The following COL27A1 variants were observed in gnomAD, a reference collection of about 807,000 sequenced individuals.
The protein encoded by COL27A1 is collagen alpha-1(XXVII) chain.
Under a neutral mutation model 251.3 loss-of-function variants are expected in COL27A1, and 106 were observed. The observed-to-expected ratio is 0.42, with a 90% confidence interval of 0.36 to 0.50. The LOEUF (loss-of-function observed/expected upper bound fraction) is 0.50, where lower values mean the gene tolerates loss of function less well. COL27A1 is among the 20% of genes least tolerant of loss of function. COL27A1 has a pLI of 0.00. For missense variants in COL27A1, 2,325 were observed against 2,522.8 expected, an observed-to-expected ratio of 0.92 and a Z score of 1.68; for synonymous variants, 1,000 against 986.3, an observed-to-expected ratio of 1.01 and a Z score of -0.26.
chr9:114,240,471 G>A lies in COL27A1; in HGVS notation c.2819G>A (p.Gly940Glu), dbSNP rs1204862081. 14 of 1,611,670 alleles carry A rather than the reference G, an allele frequency of 8.7e-6. No individual in the cohort carries two copies. Among genetic ancestry groups the A allele is most frequent in the Admixed American group, 5.0e-5 (3 of 59,970 alleles). Residue 940 changes from glycine to glutamate, a missense_variant, in exon 21 of 61, where the codon GGG becomes GAG. Gly to Glu is a moderately conservative substitution (Grantham distance 98). Coordinates refer to ENST00000356083, the MANE Select transcript of COL27A1 (RefSeq NM_032888.4). ...PGARGLPGPR[G>E]QLGPEGDEGP... ...GCCCGAGGCCTGCCGGGACCCCGTG[G>A]GCAGCTGGGGCCCGAGGTGAGACTG...
chr9:114,290,091 C>T lies in COL27A1; in HGVS notation c.4240C>T (p.Pro1414Ser). The change falls in exon 46 of 61, where the codon CCA becomes TCA. Residue 1414 changes from proline (P) to serine (S), a missense_variant. Coordinates refer to ENST00000356083, the MANE Select transcript of COL27A1 (RefSeq NM_032888.4). This position sits in a 1 kb window ranked among gnomAD's most constrained non-coding sequence, Gnocchi z 4.6. ...PKGKQGKAGA[P>S]GRRGVQGLQG... is the part of the protein sequence containing the mutation. ...GGGAAAGCAAGGCAAGGCAGGGGCC[C>T]CAGGCCGGAGGGGGGTCCAGGTGAG... is the stretch of plus-strand genomic sequence containing the variant. The T allele has an allele frequency of 1.2e-6, 2 of 1,611,854 alleles. No individual in the cohort carries two copies. The highest frequency in any genetic ancestry group is 1.7e-6 in the Non-Finnish European group (2 of 1,180,006).
chr9:114,207,456 C>G (rs1830046583), intron 10 of COL27A1, among the ~76,000 whole-genome samples: 1 of 152,192 alleles, frequency 6.6e-6, no homozygotes, highest in African/African-American at 2.4e-5. Flanking sequence ...GGAGAAAGGT[C>G]TTCTCAGTCC....
chr9:114,195,547 T>C (rs570049529), intron 6 of COL27A1, among the ~76,000 whole-genome samples: 1 of 152,326 alleles, frequency 6.6e-6, no homozygotes, highest in South Asian at 2.1e-4. Flanking sequence ...CTTGGGGTGG[T>C]GGCAGAAATG....
chr9:114,158,225 C>T (rs1171991670), intron 1 of COL27A1, among the ~76,000 whole-genome samples: 1 of 152,220 alleles, frequency 6.6e-6, no homozygotes, highest in East Asian at 1.9e-4. Flanking sequence ...GTCCACAGGG[C>T]CACTTTCCCT....
chr9:114,288,544 G>C (rs1630612), intron 42 of COL27A1, 33 bp downstream of exon 42: 1 of 1,582,666 alleles, frequency 6.3e-7, no homozygotes, highest in Non-Finnish European at 8.6e-7. Context: ...ACCATGTGGC[G>C]TCCTAGGTGG....
intron 12 of COL27A1, among the ~76,000 whole-genome samples, chr9:114,217,036 G>C (rs961254554): frequency 6.6e-6 from 1 of 152,118 alleles, no homozygotes; most frequent in Non-Finnish European, 1.5e-5. Context: ...ACATTTCCTA[G>C]CCTTTCAGAA....
intron 3 of COL27A1, among the ~76,000 whole-genome samples, chr9:114,171,360 G>A (rs1413558136): frequency 1.3e-5 from 2 of 152,180 alleles, no homozygotes; most frequent in Non-Finnish European, 2.9e-5. Flanking sequence ...TGCCCTGAGT[G>A]TCCACTCTGA....
chr9:114,301,797 A>C (rs1359590038), intron 55 of COL27A1, 80 bp downstream of exon 55: 13 of 1,395,102 alleles, frequency 9.3e-6, no homozygotes, highest in Non-Finnish European at 1.3e-5. Flanking sequence ...CCGGCAGACT[A>C]AGCCTTGACC....
At chr9:114,278,281 G>A (rs1376109581) in intron 37 of COL27A1, among the ~76,000 whole-genome samples, 1 of 144,542 alleles carries the variant, frequency 6.9e-6, no homozygotes, top group Non-Finnish European at 1.5e-5. Context: ...GAAGATGATG[G>A]GGGTGTTGAT....
At chr9:114,240,559 A>T in intron 21 of COL27A1, 72 bp downstream of exon 21, 1 of 1,435,874 alleles carries the variant, frequency 7.0e-7, no homozygotes, top group South Asian at 1.2e-5. Context: ...TGTCCTGGGT[A>T]CTGAAGGCCT....
intron 4 of COL27A1, among the ~76,000 whole-genome samples, chr9:114,181,321 T>C (rs979639060): frequency 6.6e-6 from 1 of 151,904 alleles, no homozygotes; most frequent in African/African-American, 2.4e-5. Flanking sequence ...ACTGAGAAAC[T>C]CCCCAGGCTC....
At chr9:114,231,032 C>A in intron 14 of COL27A1, 47 bp from the exon 15 acceptor site, 1 of 1,574,574 alleles carries the variant, frequency 6.4e-7, no homozygotes, top group East Asian at 2.3e-5. Context: ...GGCCAGCCTC[C>A]TGTGGGCCAC....
intron 19 of COL27A1, among the ~76,000 whole-genome samples, chr9:114,239,343 T>G (rs1276580263): frequency 6.6e-6 from 1 of 152,262 alleles, no homozygotes; most frequent in Non-Finnish European, 1.5e-5. Flanking sequence ...AGATTTTTAC[T>G]GAGCACTTGC....
chr9:114,280,677 G>T (rs1378814041), intron 37 of COL27A1, among the ~76,000 whole-genome samples: 1 of 151,982 alleles, frequency 6.6e-6, no homozygotes, highest in African/African-American at 2.4e-5. Flanking sequence ...TTGTCCAGGG[G>T]TACATGTAGA....
At chr9:114,161,722 C>T (rs1244205701) in intron 1 of COL27A1, among the ~76,000 whole-genome samples, 2 of 152,364 alleles carry the variant, frequency 1.3e-5, no homozygotes, top group East Asian at 3.9e-4. Flanking sequence ...TCCCCTCTGC[C>T]TGCCTGGGGA....
At chr9:114,232,740 T>A (rs1832057024) in intron 16 of COL27A1, among the ~76,000 whole-genome samples, 1 of 152,354 alleles carries the variant, frequency 6.6e-6, no homozygotes, top group South Asian at 2.1e-4. Context: ...GTGTACCACA[T>A]GGATCCACCC....
intron 10 of COL27A1, among the ~76,000 whole-genome samples, chr9:114,208,776 G>T (rs78066481): frequency 0.012 from 1,815 of 152,196 alleles, 29 homozygotes; most frequent in African/African-American, 0.041. Context: ...CACTGGGGAT[G>T]GGGGGGAGAG....
At position 114,184,809 on chromosome 9, in the gene COL27A1, C is replaced by T. The variant is rs73656014; in HGVS notation, c.2016+1734C>T. On this transcript the variant is annotated intron_variant, in intron 5 of 60. Coordinates refer to ENST00000356083, the MANE Select transcript of COL27A1 (RefSeq NM_032888.4). ...ATTGTCTAGGAAATGGCAGTGGAGA[C>T]TGCCCCCATGGGTCAGGCAGAGAGG... Among the ~76,000 whole-genome samples, 505 of 152,344 alleles carry T rather than the reference C, an allele frequency of 3.3e-3. 1 individual carries two copies. The highest frequency in any genetic ancestry group is 0.012 in the African/African-American group (490 of 41,586).
chr9:114,200,333 G>T (rs1829477572), intron 7 of COL27A1, among the ~76,000 whole-genome samples: 2 of 152,156 alleles, frequency 1.3e-5, no homozygotes, highest in Admixed American at 1.3e-4. Context: ...TCCTCTGGCT[G>T]GGTGCATCTA....
Sources: allele counts gnomAD v4.1 joint callset (sites outside exome capture counted in the v4.1 genomes callset), GRCh38; gene constraint gnomAD v4.1.1; non-coding constraint Gnocchi (gnomAD v3.1); transcripts MANE v1.5; gene names NCBI Gene and HGNC (gene_info 2026-07-23, HGNC 2026-07-21).